Variants in DNA2 observed in about 807,000 individuals in gnomAD.
The protein encoded by DNA2 is DNA replication helicase/nuclease 2.
DNA2 carries 101 observed loss-of-function variants against 119.1 expected under a neutral mutation model. That is an observed-to-expected ratio of 0.85 (90% confidence interval 0.72 to 1.00). DNA2 has a LOEUF of 1.00. Among genes scored for constraint, DNA2 ranks in the 50% least tolerant of loss-of-function variants. The pLI is 0.00. For missense variants in DNA2, 1,121 were observed against 1,255.5 expected (o/e 0.89, Z 1.62); for synonymous variants, 366 against 424.4 (o/e 0.86, Z 1.69).
upstream of DNA2, among the ~76,000 whole-genome samples, chr10:68,472,437 A>G (rs1044717049): frequency 4.6e-5 from 7 of 152,276 alleles, no homozygotes; most frequent in East Asian, 7.7e-4. Context: ...GCCACGGCTA[A>G]ATCTACAAAA....
chr10:68,464,414 C>T (rs892783282), intron 4 of DNA2, among the ~76,000 whole-genome samples: 4 of 152,024 alleles, frequency 2.6e-5, no homozygotes, highest in Non-Finnish European at 4.4e-5. Flanking sequence ...ACTCGAGAGG[C>T]TGAGGCAGGA....
intron 3 of DNA2, among the ~76,000 whole-genome samples, chr10:68,466,102 C>A (rs987692451): frequency 6.6e-6 from 1 of 151,692 alleles, no homozygotes; most frequent in Non-Finnish European, 1.5e-5. Flanking sequence ...CTCACTGCAA[C>A]CTTCATCTCC....
At chr10:68,429,544 CAAAA>C (rs533902480) in intron 14 of DNA2, among the ~76,000 whole-genome samples, 1 of 102,410 alleles carries the variant, frequency 9.8e-6, no homozygotes, top group Non-Finnish European at 1.9e-5. Flanking sequence ...AACTCCGTCT[CAAAA>C]AAAAAAAAAA....
intron 13 of DNA2, among the ~76,000 whole-genome samples, chr10:68,431,180 C>T (rs1360306696): frequency 3.4e-5 from 5 of 146,284 alleles, no homozygotes; most frequent in African/African-American, 1.0e-4. Context: ...TGATCCACCT[C>T]GCCTGGCTCA....
rs77881755 is a variant in DNA2 at position 68,469,176 on chromosome 10, G to A, written c.257+805C>T. 4.0e-3 allele frequency among the ~76,000 whole-genome samples: 610 copies of A among 152,058 alleles called. 1 individual carries two copies. The highest frequency in any genetic ancestry group is 0.014 in the African/African-American group (579 of 41,480). ...CACACTTTGGGTAGAGAAATCTAAG[G>A]CCTAAGAATGTCCATATGTTTTAAT... On this transcript the variant is annotated intron_variant, in intron 2 of 20. Coordinates refer to ENST00000358410, the MANE Select transcript of DNA2 (RefSeq NM_001080449.3).
chr10:68,470,385 C>T, intron 1 of DNA2: 1 of 480,882 alleles, frequency 2.1e-6, no homozygotes, highest in Non-Finnish European at 3.7e-6. Flanking sequence ...CAAACATGCT[C>T]ATGATATGAG....
At chr10:68,424,450 G>A (rs2051707831) in intron 14 of DNA2, 1 of 543,158 alleles carries the variant, frequency 1.8e-6, no homozygotes, top group East Asian at 3.4e-5. Context: ...GCTGCAGTGA[G>A]CCTTGATCAT....
chr10:68,427,650 A>AACACACACAC (rs151180015), intron 14 of DNA2, among the ~76,000 whole-genome samples: 1,552 of 140,220 alleles, frequency 0.011, 25 homozygotes, highest in African/African-American at 0.036. Context: ...CCTTGTCTCA[A>AACACACACAC]ACACACACAC....
intron 4 of DNA2, among the ~76,000 whole-genome samples, chr10:68,464,099 A>G (rs2052295706): frequency 1.3e-5 from 2 of 152,234 alleles, no homozygotes; most frequent in African/African-American, 4.8e-5. Context: ...GTTTGAAATC[A>G]GGCAGTTTCC....
intron 4 of DNA2, among the ~76,000 whole-genome samples, chr10:68,463,931 T>C (rs1430928402): frequency 6.6e-6 from 1 of 152,156 alleles, no homozygotes; most frequent in East Asian, 1.9e-4. Flanking sequence ...ATGCTAGCTC[T>C]GCCAAAATTG....
chr10:68,451,766 T>C (rs1469969821), intron 5 of DNA2, among the ~76,000 whole-genome samples: 1 of 152,076 alleles, frequency 6.6e-6, no homozygotes, highest in Non-Finnish European at 1.5e-5. Flanking sequence ...TTCCTTTTTT[T>C]TTTTAATAGA....
chr10:68,432,350 T>C, intron 11 of DNA2, 35 bp from the exon 12 acceptor site: 1 of 1,564,986 alleles, frequency 6.4e-7, no homozygotes, highest in East Asian at 2.2e-5. Context: ...GTAATATTCC[T>C]TAGAAAAGTG....
chr10:68,417,729 G>C (rs541995390), intron 19 of DNA2, among the ~76,000 whole-genome samples: 2 of 152,046 alleles, frequency 1.3e-5, no homozygotes, highest in Admixed American at 1.3e-4. Context: ...TATTAAACAG[G>C]CCTCAATTAC....
At chr10:68,439,288 G>A (rs575942464) in intron 9 of DNA2, among the ~76,000 whole-genome samples, 3 of 151,960 alleles carry the variant, frequency 2.0e-5, no homozygotes, top group Admixed American at 2.0e-4. Context: ...CAGCTACTCG[G>A]GAGGCTGAGG....
intron 5 of DNA2, among the ~76,000 whole-genome samples, chr10:68,458,708 T>C (rs2052217566): frequency 6.6e-6 from 1 of 151,558 alleles, no homozygotes; most frequent in African/African-American, 2.4e-5. Context: ...ATTAGCCAGG[T>C]GTGGTGGCAG....
At chr10:68,450,410 C>T (rs1167763053) in intron 5 of DNA2, among the ~76,000 whole-genome samples, 163 bp from the exon 6 acceptor site, 2 of 152,134 alleles carry the variant, frequency 1.3e-5, no homozygotes, top group East Asian at 3.8e-4. Context: ...CCAGTAGCAT[C>T]AGCATCACCT....
intron 3 of DNA2, among the ~76,000 whole-genome samples, 155 bp downstream of exon 3, chr10:68,467,968 C>A (rs1323857833): frequency 6.6e-6 from 1 of 152,150 alleles, no homozygotes; most frequent in East Asian, 1.9e-4. Flanking sequence ...AGTCACTTCA[C>A]CTCTCTGAGC....
intron 7 of DNA2, among the ~76,000 whole-genome samples, chr10:68,445,555 C>G (rs1486188214): frequency 6.6e-6 from 1 of 152,028 alleles, no homozygotes; most frequent in Non-Finnish European, 1.5e-5. Flanking sequence ...ACTAGAATAA[C>G]AACATTTTGG....
At chr10:68,470,479 T>G (rs2052371620) in intron 1 of DNA2, 1 of 365,526 alleles carries the variant, frequency 2.7e-6, no homozygotes, top group African/African-American at 2.1e-5. Context: ...CCAGGCATGA[T>G]GGCGCACACC....
Sources: gnomAD v4.1 joint callset for allele counts (sites outside exome capture counted in the v4.1 genomes callset) on GRCh38, gnomAD v4.1.1 for gene constraint, MANE v1.5 for transcripts, NCBI Gene and HGNC (gene_info 2026-07-23, HGNC 2026-07-21) for gene names.